GABRB1: variants seen among roughly 807,000 people sequenced by gnomAD.
GABRB1 encodes gamma-aminobutyric acid receptor subunit beta-1.
A neutral mutation model predicts 51.6 loss-of-function variants in GABRB1; 17 were observed. The observed-to-expected ratio is 0.33, with a 90% confidence interval of 0.23 to 0.49. The LOEUF is 0.49. Among genes scored for constraint, GABRB1 ranks in the 20% least tolerant of loss-of-function variants. The probability of loss-of-function intolerance (pLI) is 0.99; values close to 1 mark genes in which losing one functional copy is unlikely to be tolerated. For missense variants in GABRB1, 410 were observed against 600.6 expected (o/e 0.68, Z 3.32); for synonymous variants, 247 against 218.9 (o/e 1.13, Z -1.14).
At chr4:47,394,599 G>C (rs1045679502) in intron 5 of GABRB1, among the ~76,000 whole-genome samples, 1 of 152,134 alleles carries the variant, frequency 6.6e-6, no homozygotes, top group African/African-American at 2.4e-5. Flanking sequence ...AATTTGGACT[G>C]TATTGCCTTG....
chr4:47,015,840 G>A (rs984946721), intron 1 of GABRB1, among the ~76,000 whole-genome samples: 1 of 152,106 alleles, frequency 6.6e-6, no homozygotes, highest in Non-Finnish European at 1.5e-5. Context: ...ACATATTTTT[G>A]AGATCCTACA....
rs931637136 is a variant in GABRB1, at chr4:47,371,114, T to A, written c.545-32204T>A. Among the ~76,000 whole-genome samples, 3 of 106,328 alleles carry A rather than the reference T, an allele frequency of 2.8e-5. No homozygotes were observed. In the Admixed American group the frequency reaches 4.0e-4, roughly 14 times the overall value. The allele number at this position is 106,328 out of a possible 152,430, so 69.8% of individuals were successfully genotyped here. A position where few individuals can be genotyped will look rare whatever the true frequency, so the allele number is the denominator to read the frequency against. ...CCACCCCCACCCTGACAGGCTCCAG[T>A]GTGTATTGTTCCCCACCATATGTCC... is the stretch of plus-strand genomic sequence containing the variant. On this transcript the variant is annotated intron_variant, in intron 5 of 8. Coordinates refer to ENST00000295454, the MANE Select transcript of GABRB1 (RefSeq NM_000812.4).
chr4:47,031,688 C>T lies in GABRB1; in HGVS notation c.37C>T (p.Leu13Phe), dbSNP rs763566824. 6.2e-7 allele frequency: 1 copy of T among 1,614,112 alleles called. No homozygotes were observed. Among genetic ancestry groups the T allele is most frequent in the Non-Finnish European group, 8.5e-7 (1 of 1,179,920 alleles). Residue 13 changes from leucine to phenylalanine, a missense_variant, in exon 1 of 9, where the codon CTC becomes TTC. By Grantham distance (22) the Leu-to-Phe change is conservative. Coordinates refer to ENST00000295454, the MANE Select transcript of GABRB1 (RefSeq NM_000812.4). ...ACAAAATCGAGAGAGTCTGGGGCTT[C>T]TCTCTTTCCCTGTGATGATTACCAT... ...TVQNRESLGL[L>F]SFPVMITMVC...
At chr4:47,083,729 G>A (rs909221740) in intron 3 of GABRB1, among the ~76,000 whole-genome samples, 44 of 151,992 alleles carry the variant, frequency 2.9e-4, no homozygotes, top group Admixed American at 1.3e-4. Flanking sequence ...TGGAATTATG[G>A]CTCCTATCTT....
chr4:47,096,319 G>A (rs1714429592), intron 3 of GABRB1, among the ~76,000 whole-genome samples: 1 of 152,148 alleles, frequency 6.6e-6, no homozygotes, highest in Non-Finnish European at 1.5e-5. Flanking sequence ...GGCCAAAGTA[G>A]GAAGTACAAA....
At chr4:47,150,579 T>C (rs1277328496) in intron 3 of GABRB1, among the ~76,000 whole-genome samples, 5 of 150,164 alleles carry the variant, frequency 3.3e-5, no homozygotes, top group Non-Finnish European at 5.9e-5. Flanking sequence ...GCTGTGTCAT[T>C]AAGAAAGGAA....
At chr4:47,303,562 C>A (rs1398462780) in intron 4 of GABRB1, among the ~76,000 whole-genome samples, 1 of 151,738 alleles carries the variant, frequency 6.6e-6, no homozygotes, top group South Asian at 2.1e-4. Flanking sequence ...CATTTTTTTA[C>A]TCTGTCTTGA....
intron 3 of GABRB1, among the ~76,000 whole-genome samples, chr4:47,132,830 C>T (rs760693097): frequency 1.3e-5 from 2 of 152,188 alleles, no homozygotes; most frequent in Admixed American, 6.5e-5. Flanking sequence ...TGAGACATAT[C>T]TAGAAATCCT....
At chr4:47,240,644 T>C (rs1254332781) in intron 4 of GABRB1, among the ~76,000 whole-genome samples, 1 of 152,210 alleles carries the variant, frequency 6.6e-6, no homozygotes, top group Non-Finnish European at 1.5e-5. Flanking sequence ...CTAATTGCCT[T>C]TCCTTTCATG....
intron 3 of GABRB1, among the ~76,000 whole-genome samples, chr4:47,105,380 G>A (rs1456017654): frequency 2.0e-5 from 3 of 152,062 alleles, no homozygotes; most frequent in Non-Finnish European, 4.4e-5. Flanking sequence ...GTCCCTCAAA[G>A]CTTATTAGAC....
chr4:47,349,041 A>G (rs1431617347), intron 5 of GABRB1, among the ~76,000 whole-genome samples: 4 of 152,188 alleles, frequency 2.6e-5, no homozygotes, highest in Admixed American at 1.3e-4. Context: ...ATCTACCAAA[A>G]AGGAGAATAC....
At chr4:47,328,661 A>G (rs1021415372) in intron 5 of GABRB1, among the ~76,000 whole-genome samples, 13 of 152,110 alleles carry the variant, frequency 8.5e-5, no homozygotes, top group Non-Finnish European at 2.9e-5. Context: ...GCAAACTATC[A>G]CAAGGACGAA....
At chr4:47,165,242 A>T (rs188165181) in intron 4 of GABRB1, among the ~76,000 whole-genome samples, 1 of 151,800 alleles carries the variant, frequency 6.6e-6, no homozygotes, top group Non-Finnish European at 1.5e-5. Flanking sequence ...TCTAAGGCTA[A>T]TCTCTCCATG....
At chr4:47,156,990 A>C (rs111878937) in intron 3 of GABRB1, among the ~76,000 whole-genome samples, 1 of 152,060 alleles carries the variant, frequency 6.6e-6, no homozygotes, top group African/African-American at 2.4e-5. Context: ...TAAATTTTTT[A>C]AAATGTCGTT....
At chr4:46,994,634 T>C (rs1723923889) in intron 1 of GABRB1, among the ~76,000 whole-genome samples, 2 of 152,302 alleles carry the variant, frequency 1.3e-5, no homozygotes, top group South Asian at 4.1e-4. Context: ...CTAAGCTCCA[T>C]ATCTTTACTG....
rs1718283120 is a variant in GABRB1 at position 47,168,281 on chromosome 4, G to A, written c.461+6812G>A. On this transcript the variant is annotated intron_variant, in intron 4 of 8. Transcript: ENST00000295454. ...GCTAATACTAAAGATTCCAACACTG[G>A]GAGATCAAAAGTAAATTTTACTGTC... Among the ~76,000 whole-genome samples, 4 of 151,990 alleles carry A rather than the reference G, an allele frequency of 2.6e-5. No homozygotes were observed. The South Asian group carries it at 8.3e-4, about 32-fold the overall frequency.
chr4:47,177,816 G>GT (rs5858057), intron 4 of GABRB1, among the ~76,000 whole-genome samples: 171 of 132,386 alleles, frequency 1.3e-3, no homozygotes, highest in East Asian at 6.2e-3. Context: ...AAGAACAGTG[G>GT]TTTTTTTTTT....
chr4:47,390,580 C>T (rs576113883), intron 5 of GABRB1, among the ~76,000 whole-genome samples: 13 of 152,172 alleles, frequency 8.5e-5, no homozygotes, highest in Non-Finnish European at 1.6e-4. Flanking sequence ...ACTTTCTTCA[C>T]CACTAAGAAA....
At chr4:47,155,677 G>T (rs1046425048) in intron 3 of GABRB1, among the ~76,000 whole-genome samples, 2 of 151,616 alleles carry the variant, frequency 1.3e-5, no homozygotes, top group Non-Finnish European at 2.9e-5. Context: ...GAACATATTT[G>T]CCTACAGTGC....
Sources: allele counts gnomAD v4.1 joint callset (sites outside exome capture counted in the v4.1 genomes callset), GRCh38; gene constraint gnomAD v4.1.1; transcripts MANE v1.5; gene names NCBI Gene and HGNC (gene_info 2026-07-23, HGNC 2026-07-21).